The following SCUBE1 variants were observed in gnomAD, a reference collection of about 807,000 sequenced individuals.
The protein encoded by SCUBE1 is signal peptide, CUB domain and EGF like domain containing 1.
A neutral mutation model predicts 124.4 loss-of-function variants in SCUBE1; 59 were observed. That is an observed-to-expected ratio of 0.47 (90% confidence interval 0.38 to 0.59). The LOEUF is 0.59. Ranked by LOEUF, SCUBE1 falls within the 20% of genes least tolerant of loss-of-function variation. SCUBE1 has a pLI of 0.00. For missense variants in SCUBE1, 1,150 were observed against 1,371.2 expected (o/e 0.84, Z 2.55); for synonymous variants, 545 against 550.9 (o/e 0.99, Z 0.15).
chr22:43,310,417 C>T (rs560079999), intron 3 of SCUBE1, among the ~76,000 whole-genome samples: 7 of 152,302 alleles, frequency 4.6e-5, no homozygotes, highest in East Asian at 1.9e-4. Context: ...CCATGATGTG[C>T]GGAAGCTCCT....
chr22:43,292,610 G>C (rs73424027), intron 3 of SCUBE1, among the ~76,000 whole-genome samples: 2,241 of 140,074 alleles, frequency 0.016, 70 homozygotes, highest in African/African-American at 0.061. Context: ...TCGGTGTTGA[G>C]CTTTTGATAC....
At chr22:43,265,145 T>G (rs1924013835) in intron 4 of SCUBE1, among the ~76,000 whole-genome samples, 1 of 152,240 alleles carries the variant, frequency 6.6e-6, no homozygotes, top group African/African-American at 2.4e-5. Flanking sequence ...ACTGGGGAGC[T>G]GATGCACGCC....
chr22:43,305,122 G>C (rs1295802066), intron 3 of SCUBE1, among the ~76,000 whole-genome samples: 1 of 152,116 alleles, frequency 6.6e-6, no homozygotes, highest in Non-Finnish European at 1.5e-5. Context: ...CATCAACAGT[G>C]AAGAGAGTCC....
chr22:43,233,102 T>A (rs1249627028), intron 7 of SCUBE1, among the ~76,000 whole-genome samples: 2 of 152,240 alleles, frequency 1.3e-5, no homozygotes, highest in African/African-American at 4.8e-5. Flanking sequence ...CGGTGGCTCA[T>A]GCCTGTAATC....
chr22:43,313,164 T>C (rs1926228958), intron 3 of SCUBE1, among the ~76,000 whole-genome samples: 1 of 152,168 alleles, frequency 6.6e-6, no homozygotes, highest in Non-Finnish European at 1.5e-5. Context: ...CTCCCGAATC[T>C]CACTCAAGTA....
At chr22:43,295,556 A>AG (rs1925525612) in intron 3 of SCUBE1, among the ~76,000 whole-genome samples, 2 of 152,186 alleles carry the variant, frequency 1.3e-5, no homozygotes. Flanking sequence ...ACTGGGCACG[A>AG]GGGGGGCTTC....
chr22:43,321,042 G>C (rs1327525715), intron 2 of SCUBE1, among the ~76,000 whole-genome samples: 1 of 152,224 alleles, frequency 6.6e-6, no homozygotes, highest in Non-Finnish European at 1.5e-5. Flanking sequence ...CTGACCTCCA[G>C]AGGCTCCGAG....
At chr22:43,207,252 C>A (rs35871102) in intron 21 of SCUBE1, among the ~76,000 whole-genome samples, 5,983 of 152,302 alleles carry the variant, frequency 0.039, 145 homozygotes, top group South Asian at 0.058. Context: ...GAGAGTGAGG[C>A]TGTGAGCTGG....
chr22:43,308,279 C>G (rs5759275), intron 3 of SCUBE1, among the ~76,000 whole-genome samples: 67,045 of 151,978 alleles, frequency 0.44, 15,266 homozygotes, highest in Non-Finnish European at 0.49. Flanking sequence ...GACAGCAAAT[C>G]CCTCCAACTG....
chr22:43,289,490 C>T (rs542168968), intron 4 of SCUBE1, among the ~76,000 whole-genome samples: 5 of 152,380 alleles, frequency 3.3e-5, no homozygotes, highest in East Asian at 3.9e-4. Context: ...TTAGCAGGCC[C>T]GTCCTGCCTT....
chr22:43,229,304 C>A, intron 8 of SCUBE1, 116 bp from the exon 9 acceptor site: 1 of 758,392 alleles, frequency 1.3e-6, no homozygotes, highest in Non-Finnish European at 2.3e-6. Context: ...TCCCTGGGCG[C>A]AGGCGCAGCA....
intron 6 of SCUBE1, among the ~76,000 whole-genome samples, chr22:43,250,658 C>T (rs755458328): frequency 1.5e-4 from 23 of 151,440 alleles, no homozygotes; most frequent in Admixed American, 3.3e-4. Flanking sequence ...CTAAAACACT[C>T]GCACTGCTCT....
intron 4 of SCUBE1, among the ~76,000 whole-genome samples, chr22:43,266,604 CAT>C (rs1222465055): frequency 6.6e-6 from 1 of 152,190 alleles, no homozygotes; most frequent in Admixed American, 6.5e-5. Context: ...TGTCCCAGCA[CAT>C]ACAGCAGGGC....
At chr22:43,310,672 T>C (rs564673835) in intron 3 of SCUBE1, among the ~76,000 whole-genome samples, 53 of 152,344 alleles carry the variant, frequency 3.5e-4, no homozygotes, top group African/African-American at 1.2e-3. Flanking sequence ...TGCCACTAAA[T>C]GTGAGGTAGT....
chr22:43,239,794 G>A (rs1400533942), intron 6 of SCUBE1, among the ~76,000 whole-genome samples: 1 of 152,192 alleles, frequency 6.6e-6, no homozygotes, highest in African/African-American at 2.4e-5. Context: ...TTCCCTCTTC[G>A]CCTTGCTGCT....
intron 3 of SCUBE1, among the ~76,000 whole-genome samples, chr22:43,297,574 T>C (rs762719409): frequency 1.7e-4 from 26 of 152,210 alleles, no homozygotes; most frequent in Non-Finnish European, 2.9e-4. Context: ...TTGACATGGT[T>C]GTTTTCCAGC....
chr22:43,332,569 G>A (rs972741424), intron 2 of SCUBE1, among the ~76,000 whole-genome samples: 4 of 152,110 alleles, frequency 2.6e-5, no homozygotes, highest in Non-Finnish European at 2.9e-5. Context: ...GGTGGGGGAC[G>A]AAACCCAGGC....
At chr22:43,305,904 C>T (rs1423593116) in intron 3 of SCUBE1, among the ~76,000 whole-genome samples, 1 of 152,230 alleles carries the variant, frequency 6.6e-6, no homozygotes, top group Non-Finnish European at 1.5e-5. Flanking sequence ...GCCAGCCAGG[C>T]ACAGGGCGTC....
chr22:43,212,827 T>A, intron 16 of SCUBE1: 1 of 552,418 alleles, frequency 1.8e-6, no homozygotes, highest in Non-Finnish European at 3.2e-6. Flanking sequence ...CTGGCTCTCC[T>A]TCTCCCACCA....
Sources: allele counts gnomAD v4.1 joint callset (sites outside exome capture counted in the v4.1 genomes callset), GRCh38; gene constraint gnomAD v4.1.1; transcripts MANE v1.5; gene names NCBI Gene and HGNC (gene_info 2026-07-23, HGNC 2026-07-21).